Variants in LRRC49 observed in about 807,000 individuals in gnomAD.
LRRC49 encodes the protein leucine rich repeat containing 49.
Under a neutral mutation model 83.3 loss-of-function variants are expected in LRRC49, and 50 were observed. The ratio of observed to expected loss-of-function variants is 0.60; its 90% CI spans 0.48 to 0.76. The LOEUF is 0.76. Ranked by LOEUF, LRRC49 falls within the 30% of genes least tolerant of loss-of-function variation. The pLI is 0.00. For missense variants in LRRC49, 704 were observed against 809.1 expected (o/e 0.87, Z 1.58); for synonymous variants, 286 against 283.3 (o/e 1.01, Z -0.10).
chr15:70,918,734 AG>A (rs1300443329), intron 6 of LRRC49: 1 of 190,586 alleles, frequency 5.2e-6, no homozygotes, highest in Non-Finnish European at 1.1e-5. Flanking sequence ...TTTGGCAGGT[AG>A]TATGTAGCCT....
At chr15:70,920,148 A>G (rs1357158127) in intron 7 of LRRC49, among the ~76,000 whole-genome samples, 1 of 152,158 alleles carries the variant, frequency 6.6e-6, no homozygotes, top group East Asian at 1.9e-4. Flanking sequence ...TGAAAGACAC[A>G]ATATAACTCT....
chr15:70,904,839 T>A, intron 5 of LRRC49, 84 bp downstream of exon 5: 1 of 1,026,344 alleles, frequency 9.7e-7, no homozygotes, highest in Non-Finnish European at 1.4e-6. Flanking sequence ...GAATAATACT[T>A]AAGAAATGAA....
intron 1 of LRRC49, 80 bp from the exon 2 acceptor site, chr15:70,893,504 C>A: frequency 1.2e-6 from 1 of 816,920 alleles, no homozygotes; most frequent in Non-Finnish European, 2.0e-6. Context: ...TGTTGTATTT[C>A]TGTTTGTACC....
intron 8 of LRRC49, among the ~76,000 whole-genome samples, chr15:70,946,928 T>A (rs1013641417): frequency 6.6e-6 from 1 of 152,202 alleles, no homozygotes; most frequent in Non-Finnish European, 1.5e-5. Context: ...TTCCTTTTTA[T>A]GGCTTAAAAA....
intron 14 of LRRC49, among the ~76,000 whole-genome samples, chr15:71,032,040 A>G (rs1289932600): frequency 6.6e-6 from 1 of 152,124 alleles, no homozygotes. Flanking sequence ...CCACTGGGGT[A>G]TGAAAAAATA....
At chr15:70,928,942 C>A (rs1209074525) in intron 7 of LRRC49, among the ~76,000 whole-genome samples, 1 of 152,194 alleles carries the variant, frequency 6.6e-6, no homozygotes, top group African/African-American at 2.4e-5. Context: ...TCTCTTTCTA[C>A]TTCTTAAACA....
intron 9 of LRRC49, among the ~76,000 whole-genome samples, chr15:70,975,080 A>G (rs184742442): frequency 2.6e-5 from 4 of 152,370 alleles, no homozygotes; most frequent in Admixed American, 2.0e-4. Context: ...ATAGAAAAAG[A>G]GAATTCAGAC....
At chr15:70,893,696 A>T (rs763752306) in intron 2 of LRRC49, 56 bp downstream of exon 2, 2 of 1,306,540 alleles carry the variant, frequency 1.5e-6, no homozygotes, top group Middle Eastern at 1.8e-4. Context: ...TTCTACACAA[A>T]TAGCAGCATG....
At chr15:70,995,298 A>G (rs972528659) in intron 11 of LRRC49, among the ~76,000 whole-genome samples, 8 of 152,216 alleles carry the variant, frequency 5.3e-5, no homozygotes, top group Non-Finnish European at 2.9e-5. Flanking sequence ...CATATAAAGT[A>G]AGAGCATTAA....
intron 8 of LRRC49, among the ~76,000 whole-genome samples, chr15:70,956,452 T>C (rs531048389): frequency 1.3e-5 from 2 of 151,728 alleles, no homozygotes; most frequent in Non-Finnish European, 2.9e-5. Context: ...TTTTTCATTC[T>C]TGGTACTCTA....
intron 2 of LRRC49, 43 bp from the exon 3 acceptor site, chr15:70,895,805 TA>T: frequency 8.1e-7 from 1 of 1,237,422 alleles, no homozygotes. Context: ...TGCTTGGTGT[TA>T]AATTTGTCTC....
Position 70,984,102 on chromosome 15 carries a change from A to G in LRRC49, c.1014A>G (p.Lys338=). ...SHKQSLLKEK[K]RLTINNVARQ... ...AATTAACTTTTTCATAGGAGAAGAA[A>G]AGGTTAACAATTAACAACGTAGCTC... The change falls in exon 11 of 16, where the codon AAA becomes AAG. Residue 338 remains lysine (K), a synonymous_variant. Transcript: ENST00000260382. 6.2e-7 allele frequency: 1 copy of G among 1,612,480 alleles called. No individual in the cohort carries two copies. The highest frequency in any genetic ancestry group is 8.5e-7 in the Non-Finnish European group (1 of 1,179,274).
intron 3 of LRRC49, chr15:70,898,403 C>T (rs2033925287): frequency 1.4e-6 from 1 of 701,514 alleles, no homozygotes; most frequent in African/African-American, 1.8e-5. Flanking sequence ...AAATGAGGTC[C>T]ATCACCCAAG....
chr15:71,035,008 A>C (rs924738933), intron 14 of LRRC49, among the ~76,000 whole-genome samples: 4 of 152,198 alleles, frequency 2.6e-5, no homozygotes, highest in African/African-American at 9.6e-5. Flanking sequence ...ACTGTGTAAC[A>C]AAGCTGCACA....
chr15:70,886,005 T>C (rs1254449598), intron 2 of LRRC49, among the ~76,000 whole-genome samples: 1 of 152,146 alleles, frequency 6.6e-6, no homozygotes, highest in Non-Finnish European at 1.5e-5. Context: ...GTAATTGACC[T>C]AGAAATCTAT....
chr15:71,025,193 G>T (rs988636215), intron 14 of LRRC49, among the ~76,000 whole-genome samples: 1 of 152,112 alleles, frequency 6.6e-6, no homozygotes, highest in African/African-American at 2.4e-5. Context: ...AGGAAATCCA[G>T]AGAACCCCAG....
intron 2 of LRRC49, chr15:70,895,584 C>G: frequency 3.8e-6 from 1 of 264,904 alleles, no homozygotes; most frequent in Non-Finnish European, 7.1e-6. Context: ...TTTCATCATT[C>G]CAAATGGAAT....
At chr15:70,993,111 C>T (rs999535460) in intron 11 of LRRC49, among the ~76,000 whole-genome samples, 2 of 152,316 alleles carry the variant, frequency 1.3e-5, no homozygotes, top group Admixed American at 6.5e-5. Context: ...TCGCTGCCAC[C>T]TTGCAGTTAG....
chr15:71,026,552 C>T (rs1041368312), intron 14 of LRRC49, among the ~76,000 whole-genome samples: 1 of 152,116 alleles, frequency 6.6e-6, no homozygotes, highest in Non-Finnish European at 1.5e-5. Context: ...AAGAACTTCA[C>T]CCCAGCCTGG....
Sources: allele counts gnomAD v4.1 joint callset (sites outside exome capture counted in the v4.1 genomes callset), GRCh38; gene constraint gnomAD v4.1.1; transcripts MANE v1.5; gene names NCBI Gene and HGNC (gene_info 2026-07-23, HGNC 2026-07-21).